The following TSC22D1 variants were observed in gnomAD, a reference collection of about 807,000 sequenced individuals.
TSC22D1 encodes the protein TSC22 domain family protein 1.
TSC22D1 carries 9 observed loss-of-function variants against 74.2 expected under a neutral mutation model. The ratio of observed to expected loss-of-function variants is 0.12; its 90% CI spans 0.07 to 0.21. TSC22D1 has a LOEUF of 0.21. TSC22D1 is among the 10% of genes least tolerant of loss of function. TSC22D1 has a pLI of 1.00. For missense variants in TSC22D1, 1,427 were observed against 1,304.7 expected, an observed-to-expected ratio of 1.09 and a Z score of -1.44; for synonymous variants, 586 against 492.5, an observed-to-expected ratio of 1.19 and a Z score of -2.51.
At chr13:44,522,734 G>A (rs1880373935) in intron 1 of TSC22D1, among the ~76,000 whole-genome samples, 1 of 152,108 alleles carries the variant, frequency 6.6e-6, no homozygotes, top group Admixed American at 6.5e-5. Flanking sequence ...TGTAAAACTT[G>A]TAGATAATGA....
At chr13:44,516,503 C>A (rs754638524) in intron 1 of TSC22D1, among the ~76,000 whole-genome samples, 3 of 152,116 alleles carry the variant, frequency 2.0e-5, no homozygotes, top group Non-Finnish European at 4.4e-5. Flanking sequence ...AAACCCAGGA[C>A]ACCCCAACAC....
intron 1 of TSC22D1, among the ~76,000 whole-genome samples, chr13:44,497,806 C>T (rs1004984623): frequency 6.6e-6 from 1 of 152,216 alleles, no homozygotes; most frequent in Non-Finnish European, 1.5e-5. Flanking sequence ...GTCAACAGCA[C>T]TGTTCCCACA....
At chr13:44,510,664 C>G (rs995341623) in intron 1 of TSC22D1, among the ~76,000 whole-genome samples, 1 of 152,110 alleles carries the variant, frequency 6.6e-6, no homozygotes, top group Non-Finnish European at 1.5e-5. Flanking sequence ...ATGATCTCGG[C>G]TCACTACAAC....
In TSC22D1 at chr13:44,573,046, T is replaced by G. The variant is rs1883878965; in HGVS notation, c.2912+117A>C. On this transcript the variant is annotated intron_variant, in intron 1 of 2. Coordinates refer to ENST00000458659, the MANE Select transcript of TSC22D1 (RefSeq NM_183422.4). ...ATAAAACTTCCCATAAAAATGCATT[T>G]TTCACATACAAAACACAATATACAA... 1.6e-5 allele frequency: 23 copies of G among 1,420,504 alleles called. No homozygotes were observed. In the South Asian group the frequency reaches 3.0e-4, roughly 19 times the overall value. The allele number at this position is 1,420,504 out of a possible 1,614,324, so 88.0% of individuals were successfully genotyped here. A position where few individuals can be genotyped will look rare whatever the true frequency, so the allele number is the denominator to read the frequency against.
At chr13:44,526,895 C>T (rs987953504) in intron 1 of TSC22D1, among the ~76,000 whole-genome samples, 1 of 152,078 alleles carries the variant, frequency 6.6e-6, no homozygotes, top group Admixed American at 6.6e-5. Context: ...ATGTCATATT[C>T]AATCTGCAGA....
chr13:44,557,721 T>C (rs1882768190), intron 1 of TSC22D1, among the ~76,000 whole-genome samples: 1 of 152,220 alleles, frequency 6.6e-6, no homozygotes, highest in South Asian at 2.1e-4. Context: ...GGTTTCTACT[T>C]TAAAAGTATT....
intron 1 of TSC22D1, among the ~76,000 whole-genome samples, chr13:44,511,619 TACACACACACACAC>T (rs66743224): frequency 2.0e-5 from 3 of 148,070 alleles, no homozygotes; most frequent in East Asian, 2.0e-4. Flanking sequence ...TAAAAAGAAA[TACACACACACACAC>T]ACACACACAC....
chr13:44,530,536 T>C (rs926009269), intron 1 of TSC22D1, among the ~76,000 whole-genome samples: 1 of 152,016 alleles, frequency 6.6e-6, no homozygotes, highest in Non-Finnish European at 1.5e-5. Context: ...AGGCAGACTT[T>C]ATTAAAATTT....
chr13:44,521,996 G>C (rs1861616934), intron 1 of TSC22D1, among the ~76,000 whole-genome samples: 1 of 152,164 alleles, frequency 6.6e-6, no homozygotes, highest in African/African-American at 2.4e-5. Flanking sequence ...CTGGTCTCAG[G>C]AAGTCAGACA....
chr13:44,497,706 C>A (rs1311568343), intron 1 of TSC22D1, among the ~76,000 whole-genome samples: 1 of 152,152 alleles, frequency 6.6e-6, no homozygotes, highest in African/African-American at 2.4e-5. Flanking sequence ...AGGTGATTTT[C>A]CCCCTTTTTC....
chr13:44,467,476 A>T (rs1251883714), intron 1 of TSC22D1, among the ~76,000 whole-genome samples: 1 of 152,204 alleles, frequency 6.6e-6, no homozygotes, highest in Non-Finnish European at 1.5e-5. Flanking sequence ...AATGGGAGAA[A>T]ATATTTGCAA....
chr13:44,465,336 G>T (rs548807633), intron 1 of TSC22D1, among the ~76,000 whole-genome samples: 1 of 152,156 alleles, frequency 6.6e-6, no homozygotes, highest in African/African-American at 2.4e-5. Flanking sequence ...CTATATTCAC[G>T]TCATATGGCT....
In TSC22D1 at chr13:44,452,247, A is replaced by G. The variant is rs538901836; in HGVS notation, c.2913-16152T>C. 2.0e-5 allele frequency among the ~76,000 whole-genome samples: 3 copies of G among 152,326 alleles called. No individual in the cohort carries two copies. The East Asian group carries it at 5.8e-4, about 29-fold the overall frequency. On this transcript the variant is annotated intron_variant, in intron 1 of 2. Coordinates refer to ENST00000458659, the MANE Select transcript of TSC22D1 (RefSeq NM_183422.4). Reference sequence around the variant, plus strand: ...GTAAGGCAACCCCAATGTATAGCAAAAAGGAGTGGCAGAGTTGGTGGCAAC... The same window carrying G: ...GTAAGGCAACCCCAATGTATAGCAAGAAGGAGTGGCAGAGTTGGTGGCAAC...
rs1264349373 is a variant in TSC22D1, at chr13:44,492,786, T to C, written c.2913-56691A>G. 4.6e-5 allele frequency among the ~76,000 whole-genome samples: 7 copies of C among 152,308 alleles called. No individual in the cohort carries two copies. In the East Asian group the frequency reaches 1.2e-3, roughly 25 times the overall value. ...GTATTAGATTCACAGGGGTTTTTTTTCCTAATAATTTACTTAAAAGTTATG... is the reference window on the plus strand; with the variant it reads ...GTATTAGATTCACAGGGGTTTTTTTCCCTAATAATTTACTTAAAAGTTATG... On this transcript the variant is annotated intron_variant, in intron 1 of 2. Coordinates refer to ENST00000458659, the MANE Select transcript of TSC22D1 (RefSeq NM_183422.4).
In TSC22D1 at chr13:44,573,819, T is replaced by A. The variant is rs1451372353; in HGVS notation, c.2256A>T (p.Ser752=). The stretch of plus-strand genomic sequence containing the variant: ...ATGGAGGAGCACCCTGCTGAATAAC[T>A]GAAGGTGGAACCTGGGTAGAGGGCT... ...VQQPSTQVPP[S]VIQQGAPPSS... is the part of the protein sequence containing the mutation. Residue 752 remains serine (S), a synonymous_variant, in exon 1 of 3, where the codon TCA becomes TCT. Coordinates refer to ENST00000458659, the MANE Select transcript of TSC22D1 (RefSeq NM_183422.4). 6.2e-7 allele frequency: 1 copy of A among 1,614,218 alleles called. No homozygotes were observed.
At chr13:44,571,935 GTTTTC>G (rs1339651746) in intron 1 of TSC22D1, among the ~76,000 whole-genome samples, 1 of 152,054 alleles carries the variant, frequency 6.6e-6, no homozygotes, top group East Asian at 1.9e-4. Flanking sequence ...CATTTGACCT[GTTTTC>G]TTTTTCTAAA....
At chr13:44,569,641 T>A (rs1391303306) in intron 1 of TSC22D1, among the ~76,000 whole-genome samples, 3 of 152,192 alleles carry the variant, frequency 2.0e-5, no homozygotes, top group Non-Finnish European at 4.4e-5. Context: ...TCTTAAATAT[T>A]TGAGGACCTA....
At position 44,432,572 on chromosome 13, in the gene TSC22D1, G is replaced by A. The variant is rs969143487; in HGVS notation, c.*2054C>T. The stretch of plus-strand genomic sequence containing the variant: ...CATCCATCATTTCAACAGGATGCCC[G>A]TGTCACCACTTTATAACACATGCAC... On this transcript the variant is annotated 3_prime_UTR_variant, in exon 3 of 3. Transcript: ENST00000458659. 5 of 152,056 alleles carry A rather than the reference G, an allele frequency of 3.3e-5. No homozygotes were observed. Among genetic ancestry groups the A allele is most frequent in the Admixed American group, 1.3e-4 (2 of 15,250 alleles). 9.4% of individuals were successfully genotyped at this position (152,056 alleles called of 1,614,324 possible).
intron 1 of TSC22D1, among the ~76,000 whole-genome samples, chr13:44,520,279 G>C (rs573245045): frequency 1.3e-5 from 2 of 152,048 alleles, no homozygotes; most frequent in Non-Finnish European, 2.9e-5. Context: ...GGAAATCAGA[G>C]GACTAAAGAT....
Sources: allele counts gnomAD v4.1 joint callset (sites outside exome capture counted in the v4.1 genomes callset), GRCh38; gene constraint gnomAD v4.1.1; transcripts MANE v1.5; gene names NCBI Gene and HGNC (gene_info 2026-07-23, HGNC 2026-07-21).